The following SRBD1 variants were observed in gnomAD, a reference collection of about 807,000 sequenced individuals.
SRBD1 encodes S1 RNA binding domain 1.
Under a neutral mutation model 115.3 loss-of-function variants are expected in SRBD1, and 88 were observed. The observed-to-expected ratio is 0.76, with a 90% CI of 0.64 to 0.91. SRBD1 has a LOEUF of 0.91. Ranked by LOEUF, SRBD1 falls within the 40% of genes least tolerant of loss-of-function variation. The probability of loss-of-function intolerance (pLI) is 0.00; values close to 1 mark genes in which losing one functional copy is unlikely to be tolerated. For missense variants in SRBD1, 1,385 were observed against 1,177.4 expected (o/e 1.18, Z -2.58); for synonymous variants, 509 against 407.7 (o/e 1.25, Z -2.99).
At chr2:45,586,375 G>T (rs949950061) in intron 4 of SRBD1, among the ~76,000 whole-genome samples, 2 of 152,002 alleles carry the variant, frequency 1.3e-5, no homozygotes, top group African/African-American at 4.8e-5. Context: ...TACCATGCAA[G>T]CATTTAAGAA....
intron 14 of SRBD1, among the ~76,000 whole-genome samples, chr2:45,514,044 A>G (rs544429673): frequency 7.4e-4 from 112 of 152,288 alleles, no homozygotes; most frequent in African/African-American, 2.7e-3. Flanking sequence ...TCACCTATCA[A>G]CTGTGAACAA....
chr2:45,418,989 G>A (rs1049608335), intron 17 of SRBD1, among the ~76,000 whole-genome samples: 6 of 152,118 alleles, frequency 3.9e-5, no homozygotes, highest in South Asian at 2.1e-4. Context: ...ATATAGAGCT[G>A]AACTACAGAA....
intron 14 of SRBD1, among the ~76,000 whole-genome samples, chr2:45,497,948 C>A (rs185333426): frequency 2.0e-5 from 3 of 152,128 alleles, no homozygotes; most frequent in Non-Finnish European, 2.9e-5. Context: ...GCAGGAGAAT[C>A]GCTTGAGATC....
rs143139641 is a variant in SRBD1 at position 45,555,702 on chromosome 2, C to T, written c.1410-1972G>A. ...AGAGATGGGGTTTCACTGTATTAGC[C>T]AGGATGGTCTCGATCTCCTGACCTC... is the stretch of plus-strand genomic sequence containing the variant. On this transcript the variant is annotated intron_variant, in intron 10 of 20. Coordinates refer to ENST00000263736, the MANE Select transcript of SRBD1 (RefSeq NM_018079.5). 9.9e-5 allele frequency among the ~76,000 whole-genome samples: 15 copies of T among 152,160 alleles called. No individual in the cohort carries two copies. The East Asian group carries it at 2.3e-3, about 24-fold the overall frequency.
chr2:45,593,841 C>T (rs1299741369), intron 4 of SRBD1, among the ~76,000 whole-genome samples: 3 of 151,962 alleles, frequency 2.0e-5, no homozygotes, highest in Non-Finnish European at 4.4e-5. Context: ...AAAGGAAAAA[C>T]CAGTGCTGTT....
At chr2:45,538,951 A>G (rs1671847860) in intron 14 of SRBD1, among the ~76,000 whole-genome samples, 1 of 152,178 alleles carries the variant, frequency 6.6e-6, no homozygotes, top group Non-Finnish European at 1.5e-5. Flanking sequence ...AATGAAGGCT[A>G]TATCATGTAC....
At chr2:45,444,370 C>G (rs1462146479) in intron 16 of SRBD1, among the ~76,000 whole-genome samples, 1 of 152,122 alleles carries the variant, frequency 6.6e-6, no homozygotes, top group East Asian at 1.9e-4. Flanking sequence ...CATTTCTTTA[C>G]CAAAATATCC....
At chr2:45,494,466 A>C (rs553271496) in intron 14 of SRBD1, among the ~76,000 whole-genome samples, 1 of 152,270 alleles carries the variant, frequency 6.6e-6, no homozygotes, top group Admixed American at 6.5e-5. Flanking sequence ...AGAAGATCTC[A>C]AGCAATGACA....
At chr2:45,399,574 G>A (rs1248875323) in intron 19 of SRBD1, among the ~76,000 whole-genome samples, 5 of 152,034 alleles carry the variant, frequency 3.3e-5, no homozygotes, top group Non-Finnish European at 7.4e-5. Context: ...TAGTAGTGAA[G>A]GTAAAAGTTA....
intron 19 of SRBD1, among the ~76,000 whole-genome samples, chr2:45,394,704 A>T (rs932904102): frequency 6.6e-6 from 1 of 152,218 alleles, no homozygotes; most frequent in African/African-American, 2.4e-5. Flanking sequence ...TCTCTCACTT[A>T]AGTAGGGCAT....
At chr2:45,551,520 A>T (rs1274320079) in intron 11 of SRBD1, among the ~76,000 whole-genome samples, 1 of 152,194 alleles carries the variant, frequency 6.6e-6, no homozygotes, top group East Asian at 1.9e-4. Context: ...TTACCTCTCT[A>T]TCTGCTCTCT....
intron 18 of SRBD1, among the ~76,000 whole-genome samples, chr2:45,416,980 T>C (rs1667853618): frequency 1.3e-5 from 2 of 152,222 alleles, no homozygotes; most frequent in African/African-American, 2.4e-5. Flanking sequence ...GGTTTCACCA[T>C]GTTAGCCAGG....
chr2:45,510,504 A>C (rs911398230), intron 14 of SRBD1, among the ~76,000 whole-genome samples: 1 of 152,174 alleles, frequency 6.6e-6, no homozygotes, highest in African/African-American at 2.4e-5. Context: ...AGACTATTTT[A>C]GGTGAGGCTC....
At chr2:45,529,200 G>C (rs1357977576) in intron 14 of SRBD1, among the ~76,000 whole-genome samples, 1 of 151,836 alleles carries the variant, frequency 6.6e-6, no homozygotes, top group Non-Finnish European at 1.5e-5. Flanking sequence ...GCATGCACTA[G>C]ATTTTGGAGA....
At chr2:45,495,450 T>C (rs142957076) in intron 14 of SRBD1, among the ~76,000 whole-genome samples, 37 of 152,298 alleles carry the variant, frequency 2.4e-4, no homozygotes, top group African/African-American at 8.7e-4. Context: ...TTGTTTCCCC[T>C]TACCTTCCAC....
chr2:45,411,548 G>A (rs1302423429), intron 19 of SRBD1, among the ~76,000 whole-genome samples: 8 of 152,180 alleles, frequency 5.3e-5, no homozygotes, highest in Non-Finnish European at 2.9e-5. Context: ...CCTCTGGGAG[G>A]TTGGGGCAGT....
At chr2:45,552,597 A>G (rs1484793369) in intron 11 of SRBD1, among the ~76,000 whole-genome samples, 1 of 152,212 alleles carries the variant, frequency 6.6e-6, no homozygotes, top group African/African-American at 2.4e-5. Flanking sequence ...ATTTTAAATA[A>G]CATAATTTTT....
At chr2:45,592,987 G>A (rs1673771691) in intron 4 of SRBD1, among the ~76,000 whole-genome samples, 1 of 152,300 alleles carries the variant, frequency 6.6e-6, no homozygotes, top group South Asian at 2.1e-4. Context: ...TTGGGAAGGG[G>A]TAGGGCAAAG....
intron 14 of SRBD1, among the ~76,000 whole-genome samples, chr2:45,525,656 A>G (rs1289795518): frequency 6.6e-6 from 1 of 152,026 alleles, no homozygotes; most frequent in Non-Finnish European, 1.5e-5. Context: ...GTCATTACAC[A>G]ATGTATATGT....
Sources: gnomAD v4.1 joint callset for allele counts (sites outside exome capture counted in the v4.1 genomes callset) on GRCh38, gnomAD v4.1.1 for gene constraint, MANE v1.5 for transcripts, NCBI Gene and HGNC (gene_info 2026-07-23, HGNC 2026-07-21) for gene names.